Variants in POLR2F observed in about 807,000 individuals in gnomAD.
POLR2F encodes DNA-directed RNA polymerases I, II, and III subunit RPABC2.
Under a neutral mutation model 22.7 loss-of-function variants are expected in POLR2F, and 12 were observed. The ratio of observed to expected loss-of-function variants is 0.53; its 90% CI spans 0.34 to 0.86. The LOEUF (loss-of-function observed/expected upper bound fraction) is 0.86. POLR2F is among the 40% of genes least tolerant of loss of function. POLR2F has a pLI of 0.02. For missense variants in POLR2F, 126 were observed against 171.5 expected, an observed-to-expected ratio of 0.73 and a Z score of 1.48; for synonymous variants, 57 against 66.0, an observed-to-expected ratio of 0.86 and a Z score of 0.66.
chr22:38,003,745 T>G (rs1172840688), intron 1 of POLR2F, among the ~76,000 whole-genome samples: 1 of 151,466 alleles, frequency 6.6e-6, no homozygotes, highest in Non-Finnish European at 1.5e-5. Flanking sequence ...CCCAGCTAAT[T>G]TTTGTATTTT....
rs1218932340 is a variant in POLR2F at position 37,980,922 on chromosome 22, C to T, written c.293+13752C>T. ...AACAGAGGCTGGGTGACCCCCACCA[C>T]ACAGGAGGGACTCTTGCCTGTGTCC... On this transcript the variant is annotated intron_variant, in intron 4 of 4. Coordinates refer to the POLR2F transcript ENST00000405557. The surrounding 1 kb of genome is among the most constrained non-coding windows in gnomAD (Gnocchi z 4.1). Among the ~76,000 whole-genome samples, 3 of 152,218 alleles carry T rather than the reference C, an allele frequency of 2.0e-5. No individual in the cohort carries two copies. Among genetic ancestry groups the T allele is most frequent in the Non-Finnish European group, 2.9e-5 (2 of 68,048 alleles).
intron 3 of POLR2F, among the ~76,000 whole-genome samples, chr22:37,960,832 C>T (rs1173524054): frequency 4.7e-5 from 7 of 148,622 alleles, no homozygotes; most frequent in South Asian, 2.1e-4. Context: ...CGTGCCCGGC[C>T]GGTGCAATTT....
At chr22:38,030,997 C>T (rs1310738749), downstream of POLR2F, among the ~76,000 whole-genome samples, 1 of 152,002 alleles carries the variant, frequency 6.6e-6, no homozygotes, top group Non-Finnish European at 1.5e-5. Context: ...GTGAGAGGCC[C>T]TGGGCAAGAG....
At position 37,968,870 on chromosome 22, in the gene POLR2F, G is replaced by C; in HGVS notation, c.*1155G>C. The C allele has an allele frequency of 1.0e-6, 1 of 985,496 alleles. No individual in the cohort carries two copies. Among genetic ancestry groups the C allele is most frequent in the Non-Finnish European group, 1.2e-6 (1 of 829,988 alleles). The allele number at this position is 985,496 out of a possible 1,614,324, so 61.0% of individuals were successfully genotyped here. A position where few individuals can be genotyped will look rare whatever the true frequency, so the allele number is the denominator to read the frequency against. On this transcript the variant is annotated 3_prime_UTR_variant, in exon 5 of 5. Coordinates refer to ENST00000442738, the MANE Select transcript of POLR2F (RefSeq NM_021974.5). ...ATGGTGAGGATCTGCATTGGTGGGA[G>C]GGGTGTCCGCTGCCCTGGAGAAGGG...
Position 37,986,337 on chromosome 22 carries a change from C to T in POLR2F, c.120+25C>T, listed in dbSNP as rs1352770111. The T allele has an allele frequency of 2.6e-6, 4 of 1,531,742 alleles. No homozygotes were observed. The highest frequency in any genetic ancestry group is 2.0e-5 in the Admixed American group (1 of 50,732). 94.9% of individuals were successfully genotyped at this position (1,531,742 alleles called of 1,614,324 possible). Reference sequence around the variant, plus strand: ...GGTGGGTCCCCACTCATCCTTCCACCCCTCAGTTCCTCCTCTTTGAGGAAA... The same window carrying T: ...GGTGGGTCCCCACTCATCCTTCCACTCCTCAGTTCCTCCTCTTTGAGGAAA... On this transcript the variant is annotated intron_variant, in intron 1 of 2. Coordinates refer to the POLR2F transcript ENST00000333418. The surrounding 1 kb of genome is among the most constrained non-coding windows in gnomAD (Gnocchi z 4.7).
At chr22:37,975,473 G>C (rs577533127) in intron 4 of POLR2F, among the ~76,000 whole-genome samples, 1 of 152,308 alleles carries the variant, frequency 6.6e-6, no homozygotes, top group Admixed American at 6.5e-5. Context: ...AGGGTCTCCT[G>C]ATGTGTGTGT....
chr22:37,990,067 T>C (rs575348945), intron 1 of POLR2F, among the ~76,000 whole-genome samples: 52 of 152,194 alleles, frequency 3.4e-4, no homozygotes, highest in Non-Finnish European at 6.3e-4. Context: ...CCAGTTCCTA[T>C]TGGGAGCCCC....
rs946230835 is a variant in POLR2F, at chr22:37,956,175, C to T, written c.21-598C>T. On this transcript the variant is annotated intron_variant, in intron 1 of 4. Coordinates refer to ENST00000442738, the MANE Select transcript of POLR2F (RefSeq NM_021974.5). ...CGTGATCTCAGCTCACCACAACCTC[C>T]GCCTCCTGGGTTCAAGTGATTCTCC... 6.6e-5 allele frequency among the ~76,000 whole-genome samples: 10 copies of T among 152,114 alleles called. No homozygotes were observed. In the East Asian group the frequency reaches 1.5e-3, roughly 23 times the overall value.
upstream of POLR2F, chr22:37,984,343 T>G (rs1932504528): frequency 6.6e-6 from 1 of 152,052 alleles, no homozygotes. This position sits in a 1 kb window ranked among gnomAD's most constrained non-coding sequence, Gnocchi z 4.4. Context: ...ACTCACCTCC[T>G]CGGACCTCTC....
chr22:37,971,775 C>T (rs1016196060), downstream of POLR2F, among the ~76,000 whole-genome samples: 2 of 152,118 alleles, frequency 1.3e-5, no homozygotes, highest in Non-Finnish European at 2.9e-5. Flanking sequence ...ACCTCCTCCT[C>T]TTCAGATACC....
At chr22:38,028,322 A>G (rs532518971), downstream of POLR2F, among the ~76,000 whole-genome samples, 1 of 152,146 alleles carries the variant, frequency 6.6e-6, no homozygotes, top group Non-Finnish European at 1.5e-5. Context: ...GGGGGGTTTC[A>G]AGACTGATAA....
In POLR2F at chr22:37,967,319, A is replaced by G. The variant is rs1055848516; in HGVS notation, c.293+149A>G. The G allele has an allele frequency of 6.7e-6, 10 of 1,497,350 alleles. No individual in the cohort carries two copies. In the African/African-American group the frequency reaches 1.4e-4, roughly 21 times the overall value. The allele number at this position is 1,497,350 out of a possible 1,614,324, so 92.8% of individuals were successfully genotyped here. ...TAGGAACAGCTCACCAGGAAGTAGG[A>G]GGAAGAGAGAAGAGGAGGCAGGGAA... On this transcript the variant is annotated intron_variant, in intron 4 of 4. Coordinates refer to ENST00000442738, the MANE Select transcript of POLR2F (RefSeq NM_021974.5).
intron 1 of POLR2F, among the ~76,000 whole-genome samples, chr22:38,020,023 A>G (rs1231577432): frequency 1.3e-5 from 2 of 151,932 alleles, no homozygotes; most frequent in African/African-American, 4.8e-5. Flanking sequence ...TAAAAAAAAA[A>G]GAAAAAACAA....
upstream of POLR2F, chr22:37,983,917 G>A (rs1445707075): frequency 1.4e-6 from 1 of 692,296 alleles, no homozygotes; most frequent in Non-Finnish European, 2.0e-6. This position sits in a 1 kb window ranked among gnomAD's most constrained non-coding sequence, Gnocchi z 9.5. Context: ...CAGCCCCGAG[G>A]GCGGCCCGAG....
At chr22:38,029,684 A>G (rs1241029936), downstream of POLR2F, among the ~76,000 whole-genome samples, 1 of 152,218 alleles carries the variant, frequency 6.6e-6, no homozygotes, top group Non-Finnish European at 1.5e-5. Context: ...AGCAGTGACC[A>G]GTCTGTCCTC....
chr22:37,976,070 A>G (rs1028667940), intron 4 of POLR2F, among the ~76,000 whole-genome samples: 7 of 152,078 alleles, frequency 4.6e-5, no homozygotes, highest in African/African-American at 1.4e-4. Context: ...TAAAAATACA[A>G]TAATTAGCTG....
upstream of POLR2F, chr22:37,983,861 A>G: frequency 3.2e-6 from 4 of 1,246,840 alleles, no homozygotes; most frequent in Non-Finnish European, 4.1e-6. This position sits in a 1 kb window ranked among gnomAD's most constrained non-coding sequence, Gnocchi z 9.5. Context: ...AAAGAGTCCA[A>G]CGCCCACCTG....
At chr22:38,018,933 C>T (rs2145818209) in intron 1 of POLR2F, among the ~76,000 whole-genome samples, 1 of 152,280 alleles carries the variant, frequency 6.6e-6, no homozygotes, top group East Asian at 1.9e-4. Context: ...CATGAAATCC[C>T]CCCGTCTCCA....
chr22:37,969,551 T>C (rs766402965), downstream of POLR2F, among the ~76,000 whole-genome samples: 3 of 152,162 alleles, frequency 2.0e-5, no homozygotes, highest in Non-Finnish European at 4.4e-5. Flanking sequence ...TTGGAGGTGA[T>C]AGTGTCATCT....
Sources: allele counts gnomAD v4.1 joint callset (sites outside exome capture counted in the v4.1 genomes callset), GRCh38; gene constraint gnomAD v4.1.1; non-coding constraint Gnocchi (gnomAD v3.1); transcripts MANE v1.5; gene names NCBI Gene and HGNC (gene_info 2026-07-23, HGNC 2026-07-21).